The following TMEM232 variants were observed in gnomAD, a reference collection of about 807,000 sequenced individuals.
The protein encoded by TMEM232 is transmembrane protein 232.
A neutral mutation model predicts 78.8 loss-of-function variants in TMEM232; 80 were observed. The observed-to-expected ratio is 1.01, with a 90% confidence interval of 0.85 to 1.22. The LOEUF (loss-of-function observed/expected upper bound fraction) is 1.22, where lower values mean the gene tolerates loss of function less well. Ranked by LOEUF, TMEM232 falls within the 50% of genes most tolerant of loss-of-function variation. TMEM232 has a pLI of 0.00. For missense variants in TMEM232, 881 were observed against 742.2 expected (o/e 1.19, Z -2.17); for synonymous variants, 297 against 254.3 (o/e 1.17, Z -1.60).
intron 1 of TMEM232, among the ~76,000 whole-genome samples, chr5:110,686,047 T>C (rs569758092): frequency 1.8e-4 from 27 of 152,154 alleles, no homozygotes; most frequent in African/African-American, 6.3e-4. Context: ...TATATGTATG[T>C]ATCAAAACTC....
intron 2 of TMEM232, among the ~76,000 whole-genome samples, chr5:110,661,056 T>C (rs1235458440): frequency 6.6e-6 from 1 of 152,190 alleles, no homozygotes; most frequent in Non-Finnish European, 1.5e-5. Context: ...CAATTTATTT[T>C]AGCACACACA....
intron 12 of TMEM232, among the ~76,000 whole-genome samples, chr5:110,430,523 CATAAA>C (rs1376732026): frequency 6.6e-6 from 1 of 151,634 alleles, no homozygotes; most frequent in African/African-American, 2.4e-5. Flanking sequence ...GATAGAATAA[CATAAA>C]ATCAGCAAAC....
chr5:110,520,037 GTA>G (rs778212998), intron 12 of TMEM232, among the ~76,000 whole-genome samples: 14 of 148,298 alleles, frequency 9.4e-5, no homozygotes, highest in East Asian at 2.0e-4. Flanking sequence ...ATATATTTAT[GTA>G]TATATATATA....
At chr5:110,444,495 G>A (rs183734584) in intron 12 of TMEM232, among the ~76,000 whole-genome samples, 3 of 152,276 alleles carry the variant, frequency 2.0e-5, no homozygotes, top group Non-Finnish European at 2.9e-5. Flanking sequence ...CTTCTTTAAT[G>A]CCTCTTTCAG....
intron 2 of TMEM232, among the ~76,000 whole-genome samples, chr5:110,400,316 C>T (rs979457072): frequency 3.9e-5 from 6 of 151,954 alleles, no homozygotes; most frequent in African/African-American, 7.3e-5. Context: ...AAAGAAGTGA[C>T]GTGTCATGAT....
intron 2 of TMEM232, among the ~76,000 whole-genome samples, chr5:110,413,241 C>G (rs965584585): frequency 6.6e-6 from 1 of 152,154 alleles, no homozygotes; most frequent in Non-Finnish European, 1.5e-5. Context: ...CCATGTTTCT[C>G]CCGTGCTGGA....
chr5:110,550,762 C>T (rs1024855909), intron 11 of TMEM232, among the ~76,000 whole-genome samples: 3 of 151,354 alleles, frequency 2.0e-5, no homozygotes, highest in South Asian at 2.1e-4. Context: ...TATCAATTAC[C>T]GCCAAATAGC....
At chr5:110,655,038 G>A (rs535505666) in intron 2 of TMEM232, among the ~76,000 whole-genome samples, 1 of 152,260 alleles carries the variant, frequency 6.6e-6, no homozygotes, top group Non-Finnish European at 1.5e-5. Context: ...GGTAACAAAA[G>A]CCAAAATTGA....
intron 2 of TMEM232, among the ~76,000 whole-genome samples, chr5:110,399,368 G>A (rs1755507673): frequency 1.3e-5 from 2 of 152,074 alleles, no homozygotes; most frequent in African/African-American, 4.8e-5. Flanking sequence ...ACTCTCCTCC[G>A]AAGTTTTTTG....
chr5:110,710,800 A>G lies in TMEM232; in HGVS notation c.-13+15827T>C, dbSNP rs185221323. Among the ~76,000 whole-genome samples, 521 of 152,308 alleles carry G rather than the reference A, an allele frequency of 3.4e-3. 3 individuals carry two copies. Among genetic ancestry groups the G allele is most frequent in the African/African-American group, 0.012 (497 of 41,568 alleles). Reference sequence around the variant, plus strand: ...AGCCATATATTTCAGACTTGCAGCTAGTATCACACTGAATGGGGAAAAATG... The same window carrying G: ...AGCCATATATTTCAGACTTGCAGCTGGTATCACACTGAATGGGGAAAAATG... On this transcript the variant is annotated intron_variant, in intron 1 of 13. Transcript: ENST00000455884.
At chr5:110,523,017 A>G (rs1310768498) in intron 12 of TMEM232, among the ~76,000 whole-genome samples, 7 of 152,186 alleles carry the variant, frequency 4.6e-5, no homozygotes, top group Non-Finnish European at 7.4e-5. Flanking sequence ...GGATTCACCA[A>G]TGAAGCTACT....
intron 12 of TMEM232, among the ~76,000 whole-genome samples, chr5:110,449,465 T>C: frequency 6.6e-6 from 1 of 152,108 alleles, no homozygotes; most frequent in Admixed American, 6.6e-5. Context: ...CTCTTAAAGT[T>C]TCTGTATCAG....
chr5:110,637,576 T>C (rs996591193), intron 5 of TMEM232, among the ~76,000 whole-genome samples: 1 of 137,770 alleles, frequency 7.3e-6, no homozygotes, highest in African/African-American at 3.5e-5. Context: ...CATATATGTG[T>C]ATATATATAT....
intron 12 of TMEM232, among the ~76,000 whole-genome samples, chr5:110,500,309 AAAG>A (rs1766121315): frequency 1.5e-5 from 2 of 134,210 alleles, no homozygotes; most frequent in African/African-American, 7.4e-5. Context: ...AAAAAAAAAG[AAAG>A]AAAGAAAAAC....
chr5:110,427,086 A>C (rs1413508611), intron 12 of TMEM232, among the ~76,000 whole-genome samples: 1 of 152,026 alleles, frequency 6.6e-6, no homozygotes, highest in Non-Finnish European at 1.5e-5. Flanking sequence ...TATAGAGAAC[A>C]TAATGAAAGA....
At chr5:110,454,228 C>T (rs1056248397) in intron 12 of TMEM232, among the ~76,000 whole-genome samples, 1 of 152,068 alleles carries the variant, frequency 6.6e-6, no homozygotes, top group African/African-American at 2.4e-5. Context: ...CATAAAATAT[C>T]CACCAAGTTA....
intron 1 of TMEM232, among the ~76,000 whole-genome samples, chr5:110,668,883 G>T (rs923085706): frequency 6.6e-6 from 1 of 152,124 alleles, no homozygotes; most frequent in African/African-American, 2.4e-5. Flanking sequence ...TGATTACTGG[G>T]TACATAACGA....
intron 1 of TMEM232, among the ~76,000 whole-genome samples, chr5:110,674,545 G>A (rs1313672368): frequency 6.6e-6 from 1 of 152,088 alleles, no homozygotes; most frequent in African/African-American, 2.4e-5. Context: ...CCTTTTAAAT[G>A]CCATTTATGT....
At chr5:110,515,132 A>G (rs962381355) in intron 12 of TMEM232, among the ~76,000 whole-genome samples, 2 of 152,268 alleles carry the variant, frequency 1.3e-5, no homozygotes, top group Admixed American at 1.3e-4. Flanking sequence ...TCAAAACTCA[A>G]TATCCATGTC....
Sources: gnomAD v4.1 joint callset for allele counts (sites outside exome capture counted in the v4.1 genomes callset) on GRCh38, gnomAD v4.1.1 for gene constraint, MANE v1.5 for transcripts, NCBI Gene and HGNC (gene_info 2026-07-23, HGNC 2026-07-21) for gene names.